CEP152: variants seen among roughly 807,000 people sequenced by gnomAD.
The protein encoded by CEP152 is centrosomal protein 152.
A neutral mutation model predicts 188.9 loss-of-function variants in CEP152; 132 were observed. The observed-to-expected ratio is 0.70, with a 90% CI of 0.61 to 0.81. The LOEUF is 0.81. CEP152 is among the 30% of genes least tolerant of loss of function. The probability of loss-of-function intolerance (pLI) is 0.00; values close to 1 mark genes in which losing one functional copy is unlikely to be tolerated. For synonymous variants in CEP152, 649 were observed against 666.6 expected (o/e 0.97, Z 0.41); for missense variants, 1,914 against 1,969.8 (o/e 0.97, Z 0.54).
intron 20 of CEP152, among the ~76,000 whole-genome samples, chr15:48,754,567 T>C (rs1459325829): frequency 6.6e-6 from 1 of 152,188 alleles, no homozygotes; most frequent in East Asian, 1.9e-4. Context: ...TCATGGGAAG[T>C]GATCTTGCCC....
In CEP152 at chr15:48,756,328, G is replaced by A. The variant is rs370745843; in HGVS notation, c.2920C>T (p.Gln974Ter). The A allele has an allele frequency of 6.4e-7, 1 of 1,574,332 alleles. No homozygotes were observed. The highest frequency in any genetic ancestry group is 8.6e-7 in the Non-Finnish European group (1 of 1,164,028). The change falls in exon 20 of 27, where the codon CAA becomes TAA. Residue 974 changes from glutamine (Q) to a stop codon, truncating the protein, a stop_gained. Transcript: ENST00000380950. LOFTEE classifies it high-confidence loss of function. ...KQEEIHRIQE[Q>*]NEQDYRQFLD... ...AATTGCCGGTAATCTTGCTCATTTT[G>A]TTCTTGGATTCTGTGGATTTCTTCT...
intron 6 of CEP152, 50 bp from the exon 7 acceptor site, chr15:48,793,511 T>G: frequency 1.3e-6 from 2 of 1,526,578 alleles, no homozygotes; most frequent in African/African-American, 1.4e-5. Context: ...AAATATAAAT[T>G]TATAGTCATT....
chr15:48,771,637 G>A (rs545750683), intron 13 of CEP152, among the ~76,000 whole-genome samples: 12 of 152,158 alleles, frequency 7.9e-5, no homozygotes, highest in Non-Finnish European at 1.5e-5. Context: ...TTTACTAGGT[G>A]CCAAGAGTAA....
intron 13 of CEP152, among the ~76,000 whole-genome samples, chr15:48,771,357 T>C (rs1895518997): frequency 6.6e-6 from 1 of 152,186 alleles, no homozygotes. Context: ...CCAGATTTTG[T>C]GTACTTTCCC....
In CEP152 at chr15:48,742,009, T is replaced by C. The variant is rs1414687397; in HGVS notation, c.3927A>G (p.Arg1309=). Residue 1309 remains arginine, a synonymous_variant, in exon 25 of 27, where the codon CGA becomes CGG. Transcript: ENST00000380950. ...EVLRERQETA[R]KMRKYYLICL... ...AAATCAAATAATATTTGCGCATCTT[T>C]CGGGCGGTTTCTTGACGTTCTCGCA... 1 of 1,614,200 alleles carries C rather than the reference T, an allele frequency of 6.2e-7. No individual in the cohort carries two copies.
Position 48,738,527 on chromosome 15 carries a change from C to G in CEP152, c.4855G>C (p.Asp1619His), listed in dbSNP as rs776993375. The G allele has an allele frequency of 1.1e-5, 17 of 1,614,088 alleles. No individual in the cohort carries two copies. In the Admixed American group the frequency reaches 2.0e-4, roughly 19 times the overall value. The change falls in exon 27 of 27, where the codon GAT becomes CAT. Residue 1619 changes from aspartate (D) to histidine (H), a missense_variant. By Grantham distance (81) the Asp-to-His change is moderately conservative. Transcript: ENST00000380950. ...CAAATCATATTACTTTCCTCTGTAT[C>G]TGAAAGATAACCGGATGGTGAAAAC... is the stretch of plus-strand genomic sequence containing the variant. ...KQFSPSGYLSDTEESNMICQT... is the reference protein window; with the variant it reads ...KQFSPSGYLSHTEESNMICQT...
intron 18 of CEP152, 89 bp downstream of exon 18, chr15:48,762,302 T>C: frequency 2.4e-6 from 3 of 1,226,364 alleles, no homozygotes; most frequent in Non-Finnish European, 3.6e-6. Context: ...AGTATAAAGT[T>C]ATGAACGAGT....
At chr15:48,775,213 C>G (rs1022753482) in intron 12 of CEP152, among the ~76,000 whole-genome samples, 1 of 151,718 alleles carries the variant, frequency 6.6e-6, no homozygotes, top group African/African-American at 2.4e-5. Context: ...AACAAAGACA[C>G]AGAGACAGAA....
At position 48,797,352 on chromosome 15, in the gene CEP152, G is replaced by C. The variant is rs777668287; in HGVS notation, c.489C>G (p.Asn163Lys). ...AAAATTTAATTACATTGGTTGCTTG[G>C]TTATTAAATTCCTGCTTCTGACCAT... ...YTNGQKQEFN[N>K]QATNVIKFSD... The change falls in exon 5 of 27, where the codon AAC becomes AAG. Residue 163 changes from asparagine to lysine, a missense_variant. Transcript: ENST00000380950. 3.7e-6 allele frequency: 6 copies of C among 1,613,944 alleles called. No homozygotes were observed. In the South Asian group the frequency reaches 6.6e-5, roughly 18 times the overall value.
At chr15:48,808,711 T>C (rs1023561440) in intron 1 of CEP152, among the ~76,000 whole-genome samples, 1 of 152,304 alleles carries the variant, frequency 6.6e-6, no homozygotes, top group Admixed American at 6.5e-5. Context: ...CATGAGTTGC[T>C]GGTGAAAATA....
intron 2 of CEP152, 94 bp from the exon 3 acceptor site, chr15:48,798,145 G>A: frequency 4.6e-6 from 4 of 871,900 alleles, no homozygotes; most frequent in Non-Finnish European, 7.6e-6. Context: ...TACTGTAGAG[G>A]TCAAAGAAGT....
rs1893267747 is a variant in CEP152, at chr15:48,744,569, G to C, written c.3732-226C>G. Among the ~76,000 whole-genome samples the C allele has an allele frequency of 3.3e-5, 5 of 152,132 alleles. 1 individual carries two copies. In the South Asian group the frequency reaches 1.0e-3, roughly 32 times the overall value. ...ACAGTAAATCCACATGAAAATTTAT[G>C]CAGGTATTGAAAAACATATGTAGGA... On this transcript the variant is annotated intron_variant, in intron 23 of 26. Coordinates refer to ENST00000380950, the MANE Select transcript of CEP152 (RefSeq NM_001194998.2).
chr15:48,788,625 G>T (rs899241516), intron 9 of CEP152, among the ~76,000 whole-genome samples, 176 bp downstream of exon 9: 1 of 151,870 alleles, frequency 6.6e-6, no homozygotes, highest in African/African-American at 2.4e-5. Flanking sequence ...GATTACAGGC[G>T]TGAGCCATTG....
intron 21 of CEP152, among the ~76,000 whole-genome samples, chr15:48,751,351 A>G (rs561969667): frequency 6.6e-6 from 1 of 152,322 alleles, no homozygotes; most frequent in Admixed American, 6.5e-5. Context: ...TATTCCAAAC[A>G]GGGCATAAAA....
intron 7 of CEP152, 130 bp from the exon 8 acceptor site, chr15:48,791,506 C>CT (rs1896987141): frequency 2.4e-6 from 2 of 833,818 alleles, no homozygotes; most frequent in Non-Finnish European, 3.8e-6. Flanking sequence ...GAAAAATGAA[C>CT]TTTAGTTGAT....
chr15:48,761,923 A>G (rs747132394), intron 18 of CEP152, among the ~76,000 whole-genome samples: 6 of 152,208 alleles, frequency 3.9e-5, no homozygotes, highest in Non-Finnish European at 8.8e-5. Flanking sequence ...TGGAAAGCTG[A>G]TGGGAATGAT....
intron 8 of CEP152, among the ~76,000 whole-genome samples, chr15:48,790,637 G>C (rs1896935545): frequency 6.6e-6 from 1 of 152,044 alleles, no homozygotes; most frequent in Non-Finnish European, 1.5e-5. Flanking sequence ...AGCAATCTCA[G>C]CTCACTGCAA....
chr15:48,795,770 C>T (rs566739672), intron 6 of CEP152, among the ~76,000 whole-genome samples: 11 of 152,152 alleles, frequency 7.2e-5, no homozygotes, highest in Non-Finnish European at 1.3e-4. Flanking sequence ...CATCTATATT[C>T]CCACCCAACA....
At chr15:48,781,161 T>TAGAAGAACCA in intron 12 of CEP152, 35 bp downstream of exon 12, 1 of 1,591,716 alleles carries the variant, frequency 6.3e-7, no homozygotes, top group South Asian at 1.1e-5. Context: ...CTAATGTTGG[T>TAGAAGAACCA]TCTTCTACAG....
Sources: allele counts gnomAD v4.1 joint callset (sites outside exome capture counted in the v4.1 genomes callset), GRCh38; gene constraint gnomAD v4.1.1; transcripts MANE v1.5; gene names NCBI Gene and HGNC (gene_info 2026-07-23, HGNC 2026-07-21).